ATP11A: variants seen among roughly 807,000 people sequenced by gnomAD.
ATP11A encodes the protein ATPase phospholipid transporting 11A.
ATP11A carries 81 observed loss-of-function variants against 154.4 expected under a neutral mutation model. The ratio of observed to expected loss-of-function variants is 0.52; its 90% CI spans 0.44 to 0.63. ATP11A has a LOEUF of 0.63. Ranked by LOEUF, ATP11A falls within the 30% of genes least tolerant of loss-of-function variation. ATP11A has a pLI of 0.00. For missense variants in ATP11A, 1,316 were observed against 1,474.3 expected, an observed-to-expected ratio of 0.89 and a Z score of 1.76; for synonymous variants, 623 against 585.9, an observed-to-expected ratio of 1.06 and a Z score of -0.91.
chr13:112,830,555 G>C (rs1397941055), intron 12 of ATP11A, among the ~76,000 whole-genome samples: 2 of 152,240 alleles, frequency 1.3e-5, no homozygotes, highest in African/African-American at 4.8e-5. Context: ...CAGTCTGGGT[G>C]ACAGGGTGAG....
intron 1 of ATP11A, among the ~76,000 whole-genome samples, chr13:112,745,282 C>A (rs759933184): frequency 1.3e-5 from 2 of 152,250 alleles, no homozygotes; most frequent in South Asian, 2.1e-4. Context: ...CCAGGCTGGT[C>A]TTGAACTCCT....
chr13:112,801,688 C>A (rs1228416090), intron 2 of ATP11A, among the ~76,000 whole-genome samples: 1 of 151,340 alleles, frequency 6.6e-6, no homozygotes. Flanking sequence ...TTACATTTAA[C>A]CCCCCCACCC....
chr13:112,792,838 G>A (rs1028973576), intron 2 of ATP11A, among the ~76,000 whole-genome samples: 1 of 152,210 alleles, frequency 6.6e-6, no homozygotes, highest in Non-Finnish European at 1.5e-5. Flanking sequence ...TTGGGGCACA[G>A]AATTCACATG....
At chr13:112,825,395 AG>A (rs1281187989) in intron 10 of ATP11A, 34 bp from the exon 11 acceptor site, 2 of 1,568,968 alleles carry the variant, frequency 1.3e-6, no homozygotes, top group Non-Finnish European at 8.6e-7. Flanking sequence ...TCATTTCCTC[AG>A]GGACCAGTGA....
Position 112,746,116 on chromosome 13 carries a change from C to T in ATP11A, c.40-39019C>T, listed in dbSNP as rs1427016007. 2.0e-5 allele frequency: 3 copies of T among 146,660 alleles called. No individual in the cohort carries two copies. Among genetic ancestry groups the T allele is most frequent in the African/African-American group, 5.5e-5 (2 of 36,160 alleles). 9.1% of individuals were successfully genotyped at this position (146,660 alleles called of 1,614,324 possible). ...GGACTCTTGGGCGTCTGCCGTAGGC[C>T]GCTGTGAATGCTGGCGGCGGTGATC... On this transcript the variant is annotated intron_variant, in intron 1 of 29. Transcript: ENST00000375645. This position sits in a 1 kb window ranked among gnomAD's most constrained non-coding sequence, Gnocchi z 4.1.
At chr13:112,716,682 C>T (rs1054100315) in intron 1 of ATP11A, among the ~76,000 whole-genome samples, 15 of 152,170 alleles carry the variant, frequency 9.9e-5, no homozygotes, top group Non-Finnish European at 1.8e-4. Context: ...GGGGCCGGGC[C>T]GCTGGAGAGG....
In ATP11A at chr13:112,731,693, C is replaced by T. The variant is rs371713759; in HGVS notation, c.39+41238C>T. ...GTCACTTATGTTCATGGCTGTCCCA[C>T]GAGGCCTGTCACGTCCTATCCTATG... On this transcript the variant is annotated intron_variant, in intron 1 of 29. Coordinates refer to ENST00000375645, the MANE Select transcript of ATP11A (RefSeq NM_015205.3). Among the ~76,000 whole-genome samples the T allele has an allele frequency of 3.3e-5, 5 of 152,252 alleles. No homozygotes were observed. The East Asian group carries it at 5.8e-4, about 18-fold the overall frequency.
intron 1 of ATP11A, among the ~76,000 whole-genome samples, chr13:112,735,919 C>T (rs973650922): frequency 1.3e-5 from 2 of 152,226 alleles, no homozygotes; most frequent in African/African-American, 4.8e-5. Context: ...TCCATGCCTC[C>T]GTGTGCGCAT....
chr13:112,873,489 C>A, intron 26 of ATP11A, 84 bp from the exon 27 acceptor site: 2 of 1,031,490 alleles, frequency 1.9e-6, no homozygotes, highest in Non-Finnish European at 2.8e-6. Context: ...TTTCTCGTCA[C>A]CCCCCGGCTC....
At chr13:112,707,778 A>G (rs913263119) in intron 1 of ATP11A, among the ~76,000 whole-genome samples, 5 of 152,200 alleles carry the variant, frequency 3.3e-5, no homozygotes, top group African/African-American at 4.8e-5. Flanking sequence ...TTATATGACA[A>G]CCAGTGACAA....
intron 29 of ATP11A, among the ~76,000 whole-genome samples, chr13:112,878,748 C>T (rs1361133836): frequency 6.6e-6 from 1 of 152,240 alleles, no homozygotes; most frequent in African/African-American, 2.4e-5. Flanking sequence ...CACGCACCCA[C>T]TTCTGTGCCC....
intron 29 of ATP11A, chr13:112,880,914 G>A (rs901090372): frequency 1.3e-5 from 13 of 994,296 alleles, no homozygotes; most frequent in East Asian, 1.1e-4. Context: ...ACCCAGCATC[G>A]TCAGACACAG....
chr13:112,782,882 C>T (rs2077533656), intron 1 of ATP11A, among the ~76,000 whole-genome samples: 1 of 152,254 alleles, frequency 6.6e-6, no homozygotes, highest in South Asian at 2.1e-4. Flanking sequence ...TCCTCCCTGG[C>T]CTGGTGGCTG....
intron 26 of ATP11A, among the ~76,000 whole-genome samples, chr13:112,872,861 A>ATG (rs2140418680): frequency 1.0e-5 from 1 of 97,848 alleles, no homozygotes; most frequent in South Asian, 3.4e-4. Context: ...CTTCCTGAGC[A>ATG]GTGTGAGCTG....
chr13:112,757,642 T>A (rs428270), intron 1 of ATP11A, among the ~76,000 whole-genome samples: 1 of 152,096 alleles, frequency 6.6e-6, no homozygotes, highest in African/African-American at 2.4e-5. Context: ...GTCTCATCCC[T>A]CAAGGGAAGG....
chr13:112,823,333 G>C lies in ATP11A; in HGVS notation c.726-12G>C, dbSNP rs764928404. The C allele has an allele frequency of 2.5e-6, 4 of 1,611,424 alleles. No individual in the cohort carries two copies. In the South Asian group the frequency reaches 3.3e-5, roughly 13 times the overall value. ...CGTGTCCGCATCATTTCTGATCATC[G>C]TATCTTTACAGGCCCTTAGGATCGG... On this transcript the variant is annotated splice_polypyrimidine_tract_variant and intron_variant, in intron 8 of 29. Transcript: ENST00000375645.
intron 29 of ATP11A, 74 bp downstream of exon 29, chr13:112,878,377 C>T: frequency 6.6e-7 from 1 of 1,517,310 alleles, no homozygotes; most frequent in Non-Finnish European, 9.1e-7. Flanking sequence ...TCACCAGAGC[C>T]CTGAGTCCAC....
intron 17 of ATP11A, among the ~76,000 whole-genome samples, chr13:112,843,728 A>G (rs1196088804): frequency 6.6e-6 from 1 of 152,154 alleles, no homozygotes; most frequent in African/African-American, 2.4e-5. Context: ...AGCATTAAGA[A>G]TTCCTGCCGA....
chr13:112,700,029 C>G (rs573406285), intron 1 of ATP11A, among the ~76,000 whole-genome samples: 2 of 145,324 alleles, frequency 1.4e-5, no homozygotes, highest in Non-Finnish European at 3.0e-5. Flanking sequence ...TGTCACATCT[C>G]ATGTGACAAA....
Sources: gnomAD v4.1 joint callset for allele counts (sites outside exome capture counted in the v4.1 genomes callset) on GRCh38, gnomAD v4.1.1 for gene constraint, Gnocchi (gnomAD v3.1) non-coding constraint, MANE v1.5 for transcripts, NCBI Gene and HGNC (gene_info 2026-07-23, HGNC 2026-07-21) for gene names.